COG3: variants seen among roughly 807,000 people sequenced by gnomAD.
The protein encoded by COG3 is component of oligomeric golgi complex 3, also known as conserved oligomeric Golgi complex subunit 3.
Under a neutral mutation model 114.1 loss-of-function variants are expected in COG3, and 32 were observed. The observed-to-expected ratio is 0.28, with a 90% CI of 0.21 to 0.38. The LOEUF is 0.38. Among genes scored for constraint, COG3 ranks in the 10% least tolerant of loss-of-function variants. The pLI is 1.00. For synonymous variants in COG3, 352 were observed against 365.7 expected, an observed-to-expected ratio of 0.96 and a Z score of 0.43; for missense variants, 813 against 973.2, an observed-to-expected ratio of 0.84 and a Z score of 2.19.
At chr13:45,530,081 C>G (rs903105084) in intron 21 of COG3, among the ~76,000 whole-genome samples, 163 bp downstream of exon 21, 1 of 152,216 alleles carries the variant, frequency 6.6e-6, no homozygotes, top group African/African-American at 2.4e-5. Context: ...AAGTCTGCCT[C>G]TGTCTTGATT....
At chr13:45,499,959 G>A (rs1162640254) in intron 13 of COG3, among the ~76,000 whole-genome samples, 1 of 151,824 alleles carries the variant, frequency 6.6e-6, no homozygotes, top group African/African-American at 2.4e-5. Flanking sequence ...TGGAGGCTGG[G>A]GTGAGCTGTC....
chr13:45,468,792 A>C (rs1885299483), intron 1 of COG3, among the ~76,000 whole-genome samples: 1 of 152,236 alleles, frequency 6.6e-6, no homozygotes, highest in Non-Finnish European at 1.5e-5. Context: ...TTCTCTCTCT[A>C]GTGGTGTCTG....
At chr13:45,510,256 A>G (rs1250827651) in intron 15 of COG3, among the ~76,000 whole-genome samples, 1 of 152,220 alleles carries the variant, frequency 6.6e-6, no homozygotes, top group Non-Finnish European at 1.5e-5. Context: ...TTGGGTCAGT[A>G]GAATGTACAC....
chr13:45,467,419 C>T (rs1486014341), intron 1 of COG3, among the ~76,000 whole-genome samples: 1 of 152,214 alleles, frequency 6.6e-6, no homozygotes, highest in African/African-American at 2.4e-5. Context: ...TGGCGAAACA[C>T]CATCTCTACT....
chr13:45,516,273 T>A lies in COG3; in HGVS notation c.1930+10T>A. ...CTCAAGAAAACTAGAGGTACTTTGC[T>A]GTCCTGGCTGGCACACTTGGGTGTG... On this transcript the variant is annotated intron_variant, in intron 17 of 22. Transcript: ENST00000349995. 1 of 1,570,814 alleles carries A rather than the reference T, an allele frequency of 6.4e-7. No individual in the cohort carries two copies. The highest frequency in any genetic ancestry group is 1.7e-5 in the Admixed American group (1 of 57,836).
chr13:45,497,550 G>A (rs376764198), intron 13 of COG3, among the ~76,000 whole-genome samples: 2 of 152,242 alleles, frequency 1.3e-5, no homozygotes, highest in South Asian at 2.1e-4. Context: ...TTGAGAGGCC[G>A]AGGCGGGAGG....
intron 14 of COG3, among the ~76,000 whole-genome samples, chr13:45,505,826 C>A (rs1870081350): frequency 6.6e-6 from 1 of 152,086 alleles, no homozygotes. Context: ...AACTCCTGGG[C>A]TCAAGCAGTC....
At chr13:45,472,739 T>G (rs1885600830) in intron 1 of COG3, among the ~76,000 whole-genome samples, 1 of 152,236 alleles carries the variant, frequency 6.6e-6, no homozygotes, top group African/African-American at 2.4e-5. Context: ...CTGTTTATAC[T>G]TCTTATCTGT....
intron 20 of COG3, among the ~76,000 whole-genome samples, chr13:45,526,613 G>C (rs1394211733): frequency 2.6e-5 from 4 of 152,072 alleles, no homozygotes; most frequent in South Asian, 4.1e-4. Context: ...CATACTTTAG[G>C]TGTTTCGTTT....
chr13:45,474,660 A>C (rs1311412139), intron 1 of COG3, among the ~76,000 whole-genome samples: 1 of 152,206 alleles, frequency 6.6e-6, no homozygotes, highest in African/African-American at 2.4e-5. Context: ...TTGAACCCAT[A>C]CACAAAAAAC....
intron 13 of COG3, among the ~76,000 whole-genome samples, chr13:45,497,305 A>G (rs1031435880): frequency 6.6e-6 from 1 of 152,188 alleles, no homozygotes; most frequent in African/African-American, 2.4e-5. Flanking sequence ...AATGCCTAAG[A>G]TATTAGTGCT....
At position 45,535,280 on chromosome 13, in the gene COG3, G is replaced by A; in HGVS notation, c.*549G>A. The A allele has an allele frequency of 1.0e-6, 1 of 985,428 alleles. No homozygotes were observed. Among genetic ancestry groups the A allele is most frequent in the South Asian group, 4.7e-5 (1 of 21,278 alleles). The allele number at this position is 985,428 out of a possible 1,614,324, so 61.0% of individuals were successfully genotyped here. A position where few individuals can be genotyped will look rare whatever the true frequency, so the allele number is the denominator to read the frequency against. On this transcript the variant is annotated 3_prime_UTR_variant, in exon 23 of 23. Transcript: ENST00000349995. ...TCTGAGAACACATTCTGCCTTCCTG[G>A]GAAGTCGGGGTGTCATCCTTTCCTC... is the stretch of plus-strand genomic sequence containing the variant.
intron 12 of COG3, among the ~76,000 whole-genome samples, chr13:45,494,342 AAAC>A (rs1566253545): frequency 6.6e-6 from 1 of 151,906 alleles, no homozygotes; most frequent in Non-Finnish European, 1.5e-5. Context: ...AAAAAAAAAA[AAAC>A]AACCTTTCAA....
intron 16 of COG3, among the ~76,000 whole-genome samples, chr13:45,512,560 TG>T (rs1258188347): frequency 4.6e-5 from 7 of 152,120 alleles, no homozygotes; most frequent in Non-Finnish European, 7.4e-5. Context: ...CTCAAACTCC[TG>T]GGCTCAAGTG....
intron 14 of COG3, among the ~76,000 whole-genome samples, chr13:45,503,781 G>A (rs1336036804): frequency 6.6e-6 from 1 of 152,182 alleles, no homozygotes; most frequent in African/African-American, 2.4e-5. Context: ...GGCCCAGGTT[G>A]TATGTGGGGA....
chr13:45,476,972 T>C (rs1205796748), intron 2 of COG3, among the ~76,000 whole-genome samples: 2 of 152,310 alleles, frequency 1.3e-5, no homozygotes, highest in Middle Eastern at 3.4e-3. Context: ...TACAAACCGA[T>C]GAAGAATTAC....
intron 13 of COG3, among the ~76,000 whole-genome samples, chr13:45,498,795 T>C (rs2137847307): frequency 6.8e-6 from 1 of 146,548 alleles, no homozygotes; most frequent in African/African-American, 2.7e-5. Flanking sequence ...TTTTTTTTTT[T>C]TTTCAAATTG....
intron 12 of COG3, 53 bp downstream of exon 12, chr13:45,493,539 GA>G (rs530265788): frequency 2.7e-4 from 393 of 1,468,878 alleles, no homozygotes; most frequent in Admixed American, 2.5e-3. Flanking sequence ...CAATGAATTT[GA>G]AAAAAAAATA....
intron 16 of COG3, among the ~76,000 whole-genome samples, chr13:45,515,223 G>C (rs746839907): frequency 1.1e-4 from 17 of 152,170 alleles, no homozygotes; most frequent in Non-Finnish European, 2.2e-4. Flanking sequence ...GTTCCCGTAT[G>C]CAGAGTGAGT....
Sources: allele counts gnomAD v4.1 joint callset (sites outside exome capture counted in the v4.1 genomes callset), GRCh38; gene constraint gnomAD v4.1.1; transcripts MANE v1.5; gene names NCBI Gene and HGNC (gene_info 2026-07-23, HGNC 2026-07-21).